The following MTDH variants were observed in gnomAD, a reference collection of about 807,000 sequenced individuals.
The protein encoded by MTDH is protein LYRIC.
MTDH carries 34 observed loss-of-function variants against 72.7 expected under a neutral mutation model. The observed-to-expected ratio is 0.47, with a 90% CI of 0.36 to 0.62. The LOEUF (loss-of-function observed/expected upper bound fraction) is 0.62. Ranked by LOEUF, MTDH falls within the 20% of genes least tolerant of loss-of-function variation. The pLI, the probability that MTDH is intolerant of heterozygous loss-of-function variation, is 0.00. For missense variants in MTDH, 677 were observed against 699.4 expected, an observed-to-expected ratio of 0.97 and a Z score of 0.36; for synonymous variants, 266 against 268.9, an observed-to-expected ratio of 0.99 and a Z score of 0.10.
chr8:97,646,505 C>A (rs970657317), intron 1 of MTDH, among the ~76,000 whole-genome samples: 18 of 152,164 alleles, frequency 1.2e-4, no homozygotes, highest in Non-Finnish European at 2.6e-4. Flanking sequence ...TCAGCACAAA[C>A]CCATGTGGAT....
In MTDH at chr8:97,728,347, G is replaced by A. The variant is rs1291405068; in HGVS notation, c.*3677G>A. 6.6e-6 allele frequency: 1 copy of A among 152,124 alleles called. No individual in the cohort carries two copies. The highest frequency in any genetic ancestry group is 2.4e-5 in the African/African-American group (1 of 41,446). 9.4% of individuals were successfully genotyped at this position (152,124 alleles called of 1,614,324 possible). On this transcript the variant is annotated 3_prime_UTR_variant, in exon 12 of 12. Transcript: ENST00000336273. ...CATCTTAAGCTAGACTAAACTTTTTGTTGTTGTTTTCCTAAAACCATAGGT... is the reference window on the plus strand; with the variant it reads ...CATCTTAAGCTAGACTAAACTTTTTATTGTTGTTTTCCTAAAACCATAGGT...
chr8:97,654,743 T>TTA (rs759898981), intron 1 of MTDH, among the ~76,000 whole-genome samples: 12 of 151,916 alleles, frequency 7.9e-5, no homozygotes, highest in African/African-American at 2.2e-4. Flanking sequence ...ATGATGAGGA[T>TTA]TATATATATA....
intron 10 of MTDH, among the ~76,000 whole-genome samples, chr8:97,720,013 G>GT (rs75499674): frequency 0.21 from 31,584 of 152,202 alleles, 3,482 homozygotes; most frequent in East Asian, 0.33. Flanking sequence ...AGGGCTGGGT[G>GT]TGGTGGCTCA....
intron 7 of MTDH, among the ~76,000 whole-genome samples, chr8:97,703,423 A>T (rs957869323): frequency 1.3e-5 from 2 of 152,196 alleles, no homozygotes; most frequent in African/African-American, 4.8e-5. Flanking sequence ...TACCACATGT[A>T]TTAAGAAAAT....
intron 1 of MTDH, among the ~76,000 whole-genome samples, chr8:97,647,887 TGA>T (rs1563517083): frequency 6.6e-6 from 1 of 150,846 alleles, no homozygotes; most frequent in Non-Finnish European, 1.5e-5. Flanking sequence ...GACGCTGTGA[TGA>T]GCTATGATCA....
intron 6 of MTDH, chr8:97,696,239 T>C: frequency 1.0e-6 from 1 of 985,362 alleles, no homozygotes; most frequent in Non-Finnish European, 1.2e-6. Flanking sequence ...AATGAATACC[T>C]CTGAACAGAA....
At chr8:97,662,865 G>A (rs1453367950) in intron 2 of MTDH, among the ~76,000 whole-genome samples, 1 of 151,156 alleles carries the variant, frequency 6.6e-6, no homozygotes, top group Admixed American at 6.6e-5. Context: ...CTTTGAAGAA[G>A]TGGCTAAGTC....
In MTDH at chr8:97,724,913, C is replaced by T. The variant is rs76985283; in HGVS notation, c.*243C>T. The T allele has an allele frequency of 6.6e-3, 1,972 of 299,846 alleles. 45 individuals are homozygous for T. The highest frequency in any genetic ancestry group is 0.04 in the African/African-American group (1,838 of 45,632). 18.6% of individuals were successfully genotyped at this position (299,846 alleles called of 1,614,324 possible). A position where few individuals can be genotyped will look rare whatever the true frequency, so the allele number is the denominator to read the frequency against. On this transcript the variant is annotated 3_prime_UTR_variant, in exon 12 of 12. Transcript: ENST00000336273. Reference sequence around the variant, plus strand: ...GAAAGTCTTTTTAATAGAACAAGAACGATCTTAATTTAAGAATATTATCCT... The same window carrying T: ...GAAAGTCTTTTTAATAGAACAAGAATGATCTTAATTTAAGAATATTATCCT...
chr8:97,652,185 G>C (rs1811799643), intron 1 of MTDH, among the ~76,000 whole-genome samples: 1 of 152,276 alleles, frequency 6.6e-6, no homozygotes, highest in East Asian at 1.9e-4. Context: ...ACACTTAGTA[G>C]CTTTTGCATT....
intron 5 of MTDH, 149 bp downstream of exon 5, chr8:97,689,252 A>G: frequency 2.3e-6 from 1 of 441,756 alleles, no homozygotes. Context: ...CACAGTACAG[A>G]GATTTTGGAA....
At position 97,682,249 on chromosome 8, in the gene MTDH, TATATATATATATATATATATATA is replaced by T. The variant is rs1563542337; in HGVS notation, c.484-4418_484-4396del. 3.9e-3 allele frequency among the ~76,000 whole-genome samples: 23 copies of T among 5,940 alleles called. 1 individual carries two copies. The East Asian group carries it at 0.042, about 11-fold the overall frequency. The allele number at this position is 5,940 out of a possible 152,430, so 3.9% of individuals were successfully genotyped here. A position where few individuals can be genotyped will look rare whatever the true frequency, so the allele number is the denominator to read the frequency against. The stretch of plus-strand genomic sequence containing the variant: ...ATTACTTTATATATATATATATATA[TATATATATATATATATATATATA>T]TATATATATTTTTTTTTTTTTTTTT... On this transcript the variant is annotated intron_variant, in intron 2 of 11. Transcript: ENST00000336273.
At position 97,727,811 on chromosome 8, in the gene MTDH, GT is replaced by G. The variant is rs1273892583; in HGVS notation, c.*3144del. The G allele has an allele frequency of 6.6e-6, 1 of 152,098 alleles. No homozygotes were observed. The highest frequency in any genetic ancestry group is 1.9e-4 in the East Asian group (1 of 5,178). The allele number at this position is 152,098 out of a possible 1,614,324, so 9.4% of individuals were successfully genotyped here. A position where few individuals can be genotyped will look rare whatever the true frequency, so the allele number is the denominator to read the frequency against. ...TGAGGCAGGGTGTAGTGGTTTAGGG[GT>G]TTCTCCAGACTGGAATCCTACCTAT... is the stretch of plus-strand genomic sequence containing the variant. On this transcript the variant is annotated 3_prime_UTR_variant, in exon 12 of 12. Transcript: ENST00000336273.
chr8:97,644,776 G>C lies in MTDH; in HGVS notation c.270G>C (p.Glu90Asp), dbSNP rs1235237547. Residue 90 changes from glutamate to aspartate, a missense_variant, in exon 1 of 12, where the codon GAG becomes GAC. By Grantham distance (45) the Glu-to-Asp change is conservative. Transcript: ENST00000336273. ...KKRRSPPRKR[E>D]EAAAVPAAAP... ...GGAGGAGCCCGCCCCGCAAGCGGGA[G>C]GAGGCGGCGGCCGTGCCGGCCGCGG... is the stretch of plus-strand genomic sequence containing the variant. 6.4e-7 allele frequency: 1 copy of C among 1,551,534 alleles called. No individual in the cohort carries two copies. Among genetic ancestry groups the C allele is most frequent in the Non-Finnish European group, 8.6e-7 (1 of 1,158,876 alleles).
chr8:97,705,094 C>G (rs753726981), intron 7 of MTDH, among the ~76,000 whole-genome samples: 1 of 151,910 alleles, frequency 6.6e-6, no homozygotes, highest in African/African-American at 2.4e-5. Flanking sequence ...GTCAGGAGTT[C>G]GAGACCAGCC....
At chr8:97,683,849 C>T (rs940090305) in intron 2 of MTDH, among the ~76,000 whole-genome samples, 2 of 152,086 alleles carry the variant, frequency 1.3e-5, no homozygotes, top group African/African-American at 2.4e-5. Flanking sequence ...GCTGTGGTCA[C>T]GCCTGTAATC....
At chr8:97,672,499 G>T (rs2130960765) in intron 2 of MTDH, among the ~76,000 whole-genome samples, 1 of 152,240 alleles carries the variant, frequency 6.6e-6, no homozygotes, top group South Asian at 2.1e-4. Flanking sequence ...GGTAAACAAA[G>T]CTACAAAACT....
At position 97,657,898 on chromosome 8, in the gene MTDH, T is replaced by C. The variant is rs539766384; in HGVS notation, c.382-3174T>C. ...TTGGTTTGTAATTAGTTACTATTCATGTAAGTAGATCTATATAATATGCTC... is the reference window on the plus strand; with the variant it reads ...TTGGTTTGTAATTAGTTACTATTCACGTAAGTAGATCTATATAATATGCTC... On this transcript the variant is annotated intron_variant, in intron 1 of 11. Coordinates refer to ENST00000336273, the MANE Select transcript of MTDH (RefSeq NM_178812.4). Among the ~76,000 whole-genome samples, 10 of 152,296 alleles carry C rather than the reference T, an allele frequency of 6.6e-5. 1 individual carries two copies. In the South Asian group the frequency reaches 1.9e-3, roughly 28 times the overall value.
chr8:97,728,900 A>C lies in MTDH; in HGVS notation c.*4230A>C, dbSNP rs1815454354. 6.8e-6 allele frequency: 1 copy of C among 147,436 alleles called. No homozygotes were observed. Among genetic ancestry groups the C allele is most frequent in the African/African-American group, 2.5e-5 (1 of 40,400 alleles). 9.1% of individuals were successfully genotyped at this position (147,436 alleles called of 1,614,324 possible). On this transcript the variant is annotated 3_prime_UTR_variant, in exon 12 of 12. Transcript: ENST00000336273. ...TCTATATTGTTCCTCCCCATTCTCA[A>C]CCTGTAGCTTTTTTTTTTTTTCTTT...
chr8:97,683,957 C>G (rs1011300249), intron 2 of MTDH, among the ~76,000 whole-genome samples: 14 of 151,962 alleles, frequency 9.2e-5, no homozygotes, highest in African/African-American at 3.4e-4. Context: ...ACTAAAAATA[C>G]AAAATTAGCT....
Sources: gnomAD v4.1 joint callset for allele counts (sites outside exome capture counted in the v4.1 genomes callset) on GRCh38, gnomAD v4.1.1 for gene constraint, MANE v1.5 for transcripts, NCBI Gene and HGNC (gene_info 2026-07-23, HGNC 2026-07-21) for gene names.